Variants in TYW1B observed in about 807,000 individuals in gnomAD.
TYW1B encodes the protein tRNA-yW synthesizing protein 1 homolog B, also known as S-adenosyl-L-methionine-dependent tRNA 4-demethylwyosine synthase TYW1B.
In TYW1B, 73 loss-of-function variants were observed where a neutral mutation model predicts 86.9. The observed-to-expected ratio is 0.84, with a 90% CI of 0.70 to 1.02. TYW1B has a LOEUF of 1.02. TYW1B is among the 50% of genes least tolerant of loss of function. TYW1B has a pLI of 0.00. For synonymous variants in TYW1B, 248 were observed against 292.8 expected (o/e 0.85, Z 1.56); for missense variants, 637 against 827.4 (o/e 0.77, Z 2.82).
At position 72,802,524 on chromosome 7, in the gene TYW1B, T is replaced by C. The variant is rs1212324772; in HGVS notation, c.724-2A>G. On this transcript the variant is annotated splice_acceptor_variant, in intron 5 of 13. Transcript: ENST00000620995. LOFTEE classifies it high-confidence loss of function. Reference sequence around the variant, plus strand: ...GGAGCTCTCGAAGGGTTCTTCCTCCTGGAAGAGAAATGCTTCAGAAATACA... The same window carrying C: ...GGAGCTCTCGAAGGGTTCTTCCTCCCGGAAGAGAAATGCTTCAGAAATACA... 1.9e-6 allele frequency: 3 copies of C among 1,613,574 alleles called. No individual in the cohort carries two copies. The highest frequency in any genetic ancestry group is 1.3e-5 in the African/African-American group (1 of 74,888).
chr7:72,778,828 A>C (rs2844119), intron 6 of TYW1B, among the ~76,000 whole-genome samples: 1 of 151,958 alleles, frequency 6.6e-6, no homozygotes, highest in African/African-American at 2.4e-5. Flanking sequence ...GCACACCTTT[A>C]ATTACTGTTA....
intron 8 of TYW1B, 89 bp from the exon 9 acceptor site, chr7:72,729,020 T>C (rs1474899744): frequency 1.6e-6 from 2 of 1,270,508 alleles, no homozygotes; most frequent in Non-Finnish European, 2.2e-6. Context: ...TTTTAAAAAA[T>C]CACAAAATCA....
At position 72,575,078 on chromosome 7, in the gene TYW1B, T is replaced by A. The variant is rs1810989026; in HGVS notation, c.*420A>T. On this transcript the variant is annotated 3_prime_UTR_variant, in exon 14 of 14. Transcript: ENST00000620995. ...CACAGACACGTTTAGCTCAGGGTAG[T>A]GCAATTCAATGCTAAGTGGCTGCTC... 9.7e-7 allele frequency: 1 copy of A among 1,031,428 alleles called. No homozygotes were observed. The highest frequency in any genetic ancestry group is 5.0e-5 in the Admixed American group (1 of 19,966). 63.9% of individuals were successfully genotyped at this position (1,031,428 alleles called of 1,614,324 possible). A position where few individuals can be genotyped will look rare whatever the true frequency, so the allele number is the denominator to read the frequency against.
chr7:72,672,525 T>C (rs1172744049), intron 11 of TYW1B, among the ~76,000 whole-genome samples: 2 of 140,452 alleles, frequency 1.4e-5, no homozygotes, highest in Non-Finnish European at 3.1e-5. Context: ...TACACAGGTA[T>C]GTAATATGCA....
At chr7:72,778,940 A>T (rs1309330958) in intron 6 of TYW1B, among the ~76,000 whole-genome samples, 2 of 151,956 alleles carry the variant, frequency 1.3e-5, no homozygotes, top group African/African-American at 4.8e-5. Context: ...TCTCTTTTTA[A>T]AAGTTTATTT....
intron 6 of TYW1B, among the ~76,000 whole-genome samples, chr7:72,787,757 G>A: frequency 6.6e-6 from 1 of 151,518 alleles, no homozygotes; most frequent in South Asian, 2.1e-4. Context: ...ATGACAGAGT[G>A]AGACTCCATC....
chr7:72,704,996 C>A (rs1814578816), intron 10 of TYW1B, among the ~76,000 whole-genome samples: 1 of 151,952 alleles, frequency 6.6e-6, no homozygotes, highest in Non-Finnish European at 1.5e-5. Flanking sequence ...ATGTTTAGTG[C>A]AAACAAGATA....
intron 7 of TYW1B, among the ~76,000 whole-genome samples, chr7:72,753,969 G>C (rs1304082843): frequency 2.0e-5 from 3 of 152,046 alleles, no homozygotes; most frequent in Non-Finnish European, 2.9e-5. Context: ...CGTTGCAGTG[G>C]TCTGGAACGA....
intron 13 of TYW1B, among the ~76,000 whole-genome samples, chr7:72,614,975 C>T (rs1339143245): frequency 6.6e-6 from 1 of 152,192 alleles, no homozygotes; most frequent in Non-Finnish European, 1.5e-5. Context: ...TCATTCATTA[C>T]ACTACAGAAA....
rs1264738219 is a variant in TYW1B, at chr7:72,828,160, C to G, written c.-85G>C. ...TGGTACTGCGAGACGCACCGAGCTA[C>G]CTCGCGGCGTTAGCGCCGTACCGAG... On this transcript the variant is annotated 5_prime_UTR_variant, in exon 1 of 14. Coordinates refer to ENST00000620995, the MANE Select transcript of TYW1B (RefSeq NM_001145440.3). The G allele has an allele frequency of 3.8e-6, 6 of 1,596,244 alleles. No individual in the cohort carries two copies. The African/African-American group carries it at 5.4e-5, about 14-fold the overall frequency.
intron 12 of TYW1B, among the ~76,000 whole-genome samples, chr7:72,618,227 ATTTT>A (rs869158136): frequency 1.9e-5 from 2 of 103,934 alleles, no homozygotes; most frequent in Non-Finnish European, 3.6e-5. Flanking sequence ...ATGACACTGA[ATTTT>A]TTTTTTTTTT....
At chr7:72,710,857 T>C (rs114895042) in intron 10 of TYW1B, among the ~76,000 whole-genome samples, 2 of 152,224 alleles carry the variant, frequency 1.3e-5, no homozygotes, top group African/African-American at 4.8e-5. Context: ...TGCGAATGTA[T>C]GTGATCAATC....
At chr7:72,753,737 C>G (rs962011957) in intron 7 of TYW1B, among the ~76,000 whole-genome samples, 6 of 152,086 alleles carry the variant, frequency 3.9e-5, no homozygotes, top group Non-Finnish European at 5.9e-5. Context: ...TCTCAGCCTC[C>G]CAAAGTGCTG....
At chr7:72,652,295 A>ACT (rs1563046446) in intron 11 of TYW1B, among the ~76,000 whole-genome samples, 1 of 150,180 alleles carries the variant, frequency 6.7e-6, no homozygotes, top group Non-Finnish European at 1.5e-5. Context: ...GGAGAATGGC[A>ACT]TGAACCCGGG....
At chr7:72,631,888 G>A (rs1351371759) in intron 11 of TYW1B, among the ~76,000 whole-genome samples, 1 of 152,130 alleles carries the variant, frequency 6.6e-6, no homozygotes, top group Non-Finnish European at 1.5e-5. Context: ...TTAGCATGTG[G>A]AATCTAGAAC....
chr7:72,631,177 C>A (rs1554439735), intron 11 of TYW1B, among the ~76,000 whole-genome samples: 1 of 151,592 alleles, frequency 6.6e-6, no homozygotes, highest in African/African-American at 2.4e-5. Flanking sequence ...AAAAAATCCA[C>A]AACATTCTCC....
At chr7:72,668,194 ATT>A (rs1554445680) in intron 11 of TYW1B, among the ~76,000 whole-genome samples, 18 of 152,314 alleles carry the variant, frequency 1.2e-4, no homozygotes. Flanking sequence ...GTTATCATAG[ATT>A]TTGTTTGTTT....
At chr7:72,589,594 C>T (rs35033636) in intron 13 of TYW1B, among the ~76,000 whole-genome samples, 12 of 152,178 alleles carry the variant, frequency 7.9e-5, no homozygotes, top group South Asian at 4.2e-4. Context: ...AAACAAGTAT[C>T]GGCCGGGCAT....
chr7:72,698,673 G>T (rs1814384655), intron 10 of TYW1B, among the ~76,000 whole-genome samples: 1 of 150,824 alleles, frequency 6.6e-6, no homozygotes, highest in African/African-American at 2.4e-5. Context: ...AAGAAAGAAA[G>T]AAAAGAAAAA....
Sources: gnomAD v4.1 joint callset for allele counts (sites outside exome capture counted in the v4.1 genomes callset) on GRCh38, gnomAD v4.1.1 for gene constraint, MANE v1.5 for transcripts, NCBI Gene and HGNC (gene_info 2026-07-23, HGNC 2026-07-21) for gene names.